Variants in LYPLAL1 observed in about 807,000 individuals in gnomAD.
LYPLAL1 encodes lysophospholipase-like protein 1.
In LYPLAL1, 23 loss-of-function variants were observed where a neutral mutation model predicts 19.7. The ratio of observed to expected loss-of-function variants is 1.17; its 90% CI spans 0.84 to 1.65. The LOEUF is 1.65. Among genes scored for constraint, LYPLAL1 ranks in the 40% most tolerant of loss-of-function variants. LYPLAL1 has a pLI of 0.00. For synonymous variants in LYPLAL1, 119 were observed against 96.3 expected, an observed-to-expected ratio of 1.24 and a Z score of -1.38; for missense variants, 355 against 279.4, an observed-to-expected ratio of 1.27 and a Z score of -1.93.
At chr1:219,333,868 C>T in the LYPLAL1 span, among the ~76,000 whole-genome samples, 1 of 152,024 alleles carries the variant, frequency 6.6e-6, no homozygotes, top group Non-Finnish European at 1.5e-5. Context: ...GTCCAGGAGA[C>T]AGCTGCCAAC....
chr1:219,405,254 A>C, the LYPLAL1 span, among the ~76,000 whole-genome samples: 1 of 152,206 alleles, frequency 6.6e-6, no homozygotes, highest in Non-Finnish European at 1.5e-5. Context: ...GAACTAGATA[A>C]GCTTCAGCTT....
At chr1:219,359,396 G>C in the LYPLAL1 span, among the ~76,000 whole-genome samples, 2 of 152,110 alleles carry the variant, frequency 1.3e-5, no homozygotes, top group African/African-American at 4.8e-5. Flanking sequence ...TTATTTGGGG[G>C]CTTGAGCTCT....
the LYPLAL1 span, among the ~76,000 whole-genome samples, chr1:219,329,598 A>T: frequency 6.6e-6 from 1 of 152,160 alleles, no homozygotes; most frequent in Non-Finnish European, 1.5e-5. Context: ...TCTTTTTATT[A>T]TGCATTTCAA....
chr1:219,410,682 G>C, the LYPLAL1 span, among the ~76,000 whole-genome samples: 1 of 152,228 alleles, frequency 6.6e-6, no homozygotes, highest in Non-Finnish European at 1.5e-5. Flanking sequence ...GGGGCTGTGT[G>C]CGGCACTTGC....
chr1:219,237,444 A>G, the LYPLAL1 span, among the ~76,000 whole-genome samples: 1 of 152,242 alleles, frequency 6.6e-6, no homozygotes, highest in Non-Finnish European at 1.5e-5. Flanking sequence ...AGATTTTGTC[A>G]ACACATTTTA....
chr1:219,272,923 A>C, the LYPLAL1 span: 4 of 152,324 alleles, frequency 2.6e-5, no homozygotes, highest in East Asian at 7.7e-4. Context: ...TAAGAAGCAG[A>C]AAAGTGTGAA....
chr1:219,331,059 GTTC>G, the LYPLAL1 span, among the ~76,000 whole-genome samples: 559 of 152,250 alleles, frequency 3.7e-3, 7 homozygotes, highest in Non-Finnish European at 2.3e-3. Context: ...TCTATTAAAT[GTTC>G]TTCTCATCCT....
At chr1:219,277,792 A>AT in the LYPLAL1 span, among the ~76,000 whole-genome samples, 27 of 150,862 alleles carry the variant, frequency 1.8e-4, no homozygotes, top group Middle Eastern at 3.4e-3. Flanking sequence ...TGTCATTGTG[A>AT]TTTTTTTTTT....
the LYPLAL1 span, among the ~76,000 whole-genome samples, chr1:219,425,460 C>T: frequency 6.6e-6 from 1 of 152,158 alleles, no homozygotes; most frequent in Admixed American, 6.5e-5. Context: ...CCTCTACTGG[C>T]TCTAACTATA....
chr1:219,332,923 G>A, the LYPLAL1 span, among the ~76,000 whole-genome samples: 1 of 150,424 alleles, frequency 6.6e-6, no homozygotes, highest in Non-Finnish European at 1.5e-5. Context: ...GCAGAATTCA[G>A]TACCTTGTGA....
intron 2 of LYPLAL1, 22 bp from the exon 3 acceptor site, chr1:219,193,058 TGG>T (rs60036848): frequency 8.4e-7 from 1 of 1,192,326 alleles, no homozygotes. Flanking sequence ...TCTTTTTTTT[TGG>T]GGGGGGGCGG....
chr1:219,282,654 C>T, the LYPLAL1 span, among the ~76,000 whole-genome samples: 1 of 152,044 alleles, frequency 6.6e-6, no homozygotes, highest in African/African-American at 2.4e-5. Context: ...GCAACTGAAT[C>T]TTAGAAGACA....
the LYPLAL1 span, among the ~76,000 whole-genome samples, chr1:219,327,513 G>A: frequency 4.6e-5 from 7 of 152,138 alleles, no homozygotes; most frequent in South Asian, 4.1e-4. Flanking sequence ...GGAGGGGAAC[G>A]AGAGGTAGTG....
chr1:219,299,486 A>G, the LYPLAL1 span, among the ~76,000 whole-genome samples: 19 of 152,224 alleles, frequency 1.2e-4, no homozygotes, highest in Admixed American at 1.1e-3. Context: ...GAGCATGAAT[A>G]CTGGTGTTTA....
the LYPLAL1 span, among the ~76,000 whole-genome samples, chr1:219,291,966 T>C: frequency 6.6e-6 from 1 of 152,212 alleles, no homozygotes; most frequent in African/African-American, 2.4e-5. Context: ...AATGCAATAA[T>C]TGAAATAATC....
At chr1:219,177,310 C>T (rs921904645) in intron 1 of LYPLAL1, among the ~76,000 whole-genome samples, 3 of 152,148 alleles carry the variant, frequency 2.0e-5, no homozygotes, top group Admixed American at 1.3e-4. Flanking sequence ...AGCATTTTAG[C>T]TTTTGTGGGC....
the LYPLAL1 span, among the ~76,000 whole-genome samples, chr1:219,253,455 C>T: frequency 1.3e-5 from 2 of 151,990 alleles, no homozygotes; most frequent in African/African-American, 4.8e-5. Context: ...AGTTGTGTTC[C>T]AGAGATTCTG....
the LYPLAL1 span, among the ~76,000 whole-genome samples, chr1:219,344,040 T>C: frequency 1.3e-5 from 2 of 152,192 alleles, no homozygotes; most frequent in Non-Finnish European, 2.9e-5. Context: ...TAAGGAAAGA[T>C]TCCCCTCCAC....
At chr1:219,403,043 G>T in the LYPLAL1 span, among the ~76,000 whole-genome samples, 2 of 152,148 alleles carry the variant, frequency 1.3e-5, no homozygotes, top group African/African-American at 4.8e-5. Context: ...AAATCTAGGG[G>T]TCATGCAAAG....
Sources: allele counts gnomAD v4.1 joint callset (sites outside exome capture counted in the v4.1 genomes callset), GRCh38; gene constraint gnomAD v4.1.1; transcripts MANE v1.5; gene names NCBI Gene and HGNC (gene_info 2026-07-23, HGNC 2026-07-21).